MANBA: variants seen among roughly 807,000 people sequenced by gnomAD.
The protein encoded by MANBA is mannosidase beta, also known as beta-mannosidase.
Under a neutral mutation model 111.1 loss-of-function variants are expected in MANBA, and 83 were observed. The observed-to-expected ratio is 0.75, with a 90% confidence interval of 0.63 to 0.90. MANBA has a LOEUF of 0.90. Among genes scored for constraint, MANBA ranks in the 40% least tolerant of loss-of-function variants. MANBA has a pLI of 0.00. For missense variants in MANBA, 1,036 were observed against 1,069.0 expected (o/e 0.97, Z 0.43); for synonymous variants, 370 against 378.7 (o/e 0.98, Z 0.27).
chr4:102,758,551 CTTTTTTTTTTT>C (rs374542775), intron 1 of MANBA, among the ~76,000 whole-genome samples: 3 of 137,140 alleles, frequency 2.2e-5, no homozygotes, highest in African/African-American at 8.0e-5. Context: ...TACTTTTTTT[CTTTTTTTTTTT>C]TTTTTGAGAG....
At chr4:102,670,913 C>T (rs1578887882) in intron 9 of MANBA, 1 of 157,326 alleles carries the variant, frequency 6.4e-6, no homozygotes, top group Non-Finnish European at 1.4e-5. Flanking sequence ...ATATGAAACA[C>T]ACCTTTTCTT....
intron 1 of MANBA, among the ~76,000 whole-genome samples, chr4:102,758,826 A>C (rs1724123735): frequency 6.6e-6 from 1 of 152,090 alleles, no homozygotes; most frequent in African/African-American, 2.4e-5. Context: ...GCCCAGCCTG[A>C]TGATTATTTT....
At chr4:102,652,836 A>T (rs1381513046) in intron 12 of MANBA, among the ~76,000 whole-genome samples, 2 of 152,202 alleles carry the variant, frequency 1.3e-5, no homozygotes, top group African/African-American at 2.4e-5. Flanking sequence ...TTGAGGCTGC[A>T]GTGAGTTGTG....
intron 5 of MANBA, among the ~76,000 whole-genome samples, chr4:102,693,369 C>T (rs969878688): frequency 2.0e-5 from 3 of 152,196 alleles, no homozygotes; most frequent in Non-Finnish European, 2.9e-5. Flanking sequence ...GAAGCCCTAA[C>T]CTCCAGCTTT....
At chr4:102,696,721 G>A (rs1297648208) in intron 5 of MANBA, among the ~76,000 whole-genome samples, 1 of 152,152 alleles carries the variant, frequency 6.6e-6, no homozygotes. Flanking sequence ...GCTTTGCCCT[G>A]CTGAGCTCCT....
At chr4:102,729,978 G>A (rs766314115) in intron 1 of MANBA, 26 of 940,458 alleles carry the variant, frequency 2.8e-5, no homozygotes, top group Non-Finnish European at 4.3e-5. Context: ...GACTGTGATG[G>A]TGGTGATGCC....
intron 10 of MANBA, chr4:102,665,459 G>A (rs756228951): frequency 1.8e-4 from 27 of 152,530 alleles, no homozygotes; most frequent in Non-Finnish European, 3.4e-4. Context: ...GGGCAATCAG[G>A]GTTGATGTCT....
chr4:102,738,202 A>AC (rs1723286743), intron 1 of MANBA, among the ~76,000 whole-genome samples: 1 of 152,248 alleles, frequency 6.6e-6, no homozygotes, highest in Admixed American at 6.5e-5. Context: ...TCCACTGCCT[A>AC]AAGAAGAAAA....
intron 7 of MANBA, among the ~76,000 whole-genome samples, chr4:102,689,180 C>A (rs1484830377): frequency 6.6e-6 from 1 of 152,008 alleles, no homozygotes; most frequent in Non-Finnish European, 1.5e-5. Flanking sequence ...GAAACCCCAT[C>A]TCTACTAAAA....
At chr4:102,660,220 C>T (rs1730870092) in intron 11 of MANBA, among the ~76,000 whole-genome samples, 1 of 152,132 alleles carries the variant, frequency 6.6e-6, no homozygotes, top group Non-Finnish European at 1.5e-5. Flanking sequence ...ATTTCTCCCT[C>T]TCTTACCTCC....
At chr4:102,671,475 C>T (rs2110223776) in intron 8 of MANBA, 77 bp from the exon 9 acceptor site, 1 of 865,496 alleles carries the variant, frequency 1.2e-6, no homozygotes, top group East Asian at 2.6e-5. Flanking sequence ...CATTTCTAAT[C>T]TGTTAGAAAA....
At chr4:102,725,719 T>C (rs1353368628) in intron 2 of MANBA, among the ~76,000 whole-genome samples, 1 of 152,110 alleles carries the variant, frequency 6.6e-6, no homozygotes, top group Non-Finnish European at 1.5e-5. Context: ...TTCCTGGCAC[T>C]CTTCTAGGCA....
At chr4:102,663,933 C>T (rs1331141885) in intron 11 of MANBA, among the ~76,000 whole-genome samples, 1 of 152,194 alleles carries the variant, frequency 6.6e-6, no homozygotes, top group Non-Finnish European at 1.5e-5. Context: ...AGAGCAAGGG[C>T]CATACAGCGG....
chr4:102,689,296 C>A (rs1446726425), intron 7 of MANBA, among the ~76,000 whole-genome samples: 1 of 150,072 alleles, frequency 6.7e-6, no homozygotes, highest in African/African-American at 2.5e-5. Flanking sequence ...TTGCAGTGAG[C>A]CAAGATTGCA....
chr4:102,760,847 G>A lies in MANBA; in HGVS notation c.48C>T (p.Thr16=). The change falls in exon 1 of 17, where the codon ACC becomes ACT. Residue 16 remains threonine (T), a synonymous_variant. Transcript: ENST00000647097. ...LLLLALCGAG[T]TAAELSYSLR... ...AGCTGTAACTGAGCTCCGCGGCGGT[G>A]GTGCCTGCACCGCACAGCGCGAGCA... 1.3e-6 allele frequency: 2 copies of A among 1,571,504 alleles called. No individual in the cohort carries two copies. Among genetic ancestry groups the A allele is most frequent in the South Asian group, 2.3e-5 (2 of 85,782 alleles).
At chr4:102,674,222 T>C in intron 7 of MANBA, 152 bp from the exon 8 acceptor site, 1 of 634,178 alleles carries the variant, frequency 1.6e-6, no homozygotes, top group South Asian at 1.9e-5. Context: ...GAAATGCACA[T>C]TTCAGGAATA....
At chr4:102,720,351 C>T (rs545617771) in intron 4 of MANBA, among the ~76,000 whole-genome samples, 30 of 151,736 alleles carry the variant, frequency 2.0e-4, no homozygotes, top group Admixed American at 6.6e-4. Context: ...AAAAGAATGG[C>T]GTGAACCCAG....
intron 1 of MANBA, among the ~76,000 whole-genome samples, chr4:102,742,754 A>G (rs541877829): frequency 1.8e-4 from 28 of 152,340 alleles, no homozygotes; most frequent in Admixed American, 1.1e-3. Context: ...AGGCAAACCC[A>G]TATCCAGAGT....
chr4:102,652,266 C>A (rs555831933), intron 12 of MANBA, among the ~76,000 whole-genome samples: 2 of 152,182 alleles, frequency 1.3e-5, no homozygotes, highest in African/African-American at 2.4e-5. Flanking sequence ...ACCCTTCCAC[C>A]CTCTAGTAAT....
Sources: gnomAD v4.1 joint callset for allele counts (sites outside exome capture counted in the v4.1 genomes callset) on GRCh38, gnomAD v4.1.1 for gene constraint, MANE v1.5 for transcripts, NCBI Gene and HGNC (gene_info 2026-07-23, HGNC 2026-07-21) for gene names.